FNDC3B: variants seen among roughly 807,000 people sequenced by gnomAD.
FNDC3B encodes fibronectin type III domain-containing protein 3B.
In FNDC3B, 12 loss-of-function variants were observed where a neutral mutation model predicts 151.5. The ratio of observed to expected loss-of-function variants is 0.08; its 90% CI spans 0.05 to 0.13. The LOEUF is 0.13. Among genes scored for constraint, FNDC3B ranks in the 10% least tolerant of loss-of-function variants. FNDC3B has a pLI of 1.00. For synonymous variants in FNDC3B, 528 were observed against 549.0 expected, an observed-to-expected ratio of 0.96 and a Z score of 0.54; for missense variants, 1,214 against 1,505.3, an observed-to-expected ratio of 0.81 and a Z score of 3.20.
At chr3:172,077,049 A>G (rs1266424048) in intron 1 of FNDC3B, among the ~76,000 whole-genome samples, 1 of 152,236 alleles carries the variant, frequency 6.6e-6, no homozygotes, top group African/African-American at 2.4e-5. Context: ...GAGTGATCAA[A>G]TCACATAATA....
chr3:172,171,251 G>A (rs775520246), intron 3 of FNDC3B, among the ~76,000 whole-genome samples: 22 of 152,132 alleles, frequency 1.4e-4, no homozygotes, highest in Admixed American at 9.2e-4. Flanking sequence ...AAGTGCTGAT[G>A]GAGACTTTAA....
chr3:172,361,430 G>A (rs1025946720), intron 22 of FNDC3B, among the ~76,000 whole-genome samples: 6 of 152,146 alleles, frequency 3.9e-5, no homozygotes, highest in Admixed American at 3.3e-4. Flanking sequence ...AATTTATTTT[G>A]CCAGATACCC....
intron 21 of FNDC3B, among the ~76,000 whole-genome samples, chr3:172,350,821 A>G (rs1733817688): frequency 6.6e-6 from 1 of 152,154 alleles, no homozygotes; most frequent in African/African-American, 2.4e-5. Flanking sequence ...GCGCCACTGC[A>G]CTCCAGACAG....
intron 1 of FNDC3B, among the ~76,000 whole-genome samples, chr3:172,051,027 A>G (rs1716624153): frequency 6.6e-6 from 1 of 151,590 alleles, no homozygotes; most frequent in Non-Finnish European, 1.5e-5. Context: ...TTTTCTTTGC[A>G]TATCCTTGTT....
chr3:172,150,197 T>C (rs111492450), intron 3 of FNDC3B, among the ~76,000 whole-genome samples: 8,671 of 152,208 alleles, frequency 0.057, 730 homozygotes, highest in African/African-American at 0.19. Flanking sequence ...ATACTGATGC[T>C]TGGGCCTCAC....
intron 11 of FNDC3B, among the ~76,000 whole-genome samples, chr3:172,312,200 A>G (rs1295237020): frequency 6.6e-6 from 1 of 152,224 alleles, no homozygotes; most frequent in African/African-American, 2.4e-5. Context: ...CACTTTCTGC[A>G]GAAGCATATT....
chr3:172,077,960 T>G (rs888346782), intron 1 of FNDC3B, among the ~76,000 whole-genome samples: 1 of 152,154 alleles, frequency 6.6e-6, no homozygotes, highest in Non-Finnish European at 1.5e-5. Context: ...CATATTTTAT[T>G]GTTGTTTTTA....
intron 1 of FNDC3B, among the ~76,000 whole-genome samples, chr3:172,109,122 CT>C (rs966235048): frequency 4.6e-5 from 7 of 150,640 alleles, no homozygotes; most frequent in African/African-American, 1.5e-4. Flanking sequence ...TCTGGTTTAT[CT>C]CTGGTGAAAC....
In FNDC3B at chr3:172,045,096, A is replaced by T. The variant is rs936613681; in HGVS notation, c.-29+5325A>T. On this transcript the variant is annotated intron_variant, in intron 1 of 25. Transcript: ENST00000415807. ...GAAGTGTTTGGCAAAGCCTTATACA[A>T]ACTCCATAGTTCATTATATTCCAGA... Among the ~76,000 whole-genome samples the T allele has an allele frequency of 2.6e-5, 4 of 152,212 alleles. No homozygotes were observed. In the East Asian group the frequency reaches 7.7e-4, roughly 29 times the overall value.
At chr3:172,096,586 C>T (rs1559963863) in intron 1 of FNDC3B, among the ~76,000 whole-genome samples, 1 of 152,014 alleles carries the variant, frequency 6.6e-6, no homozygotes. Flanking sequence ...AACCAGCTTG[C>T]TTATTTTTTA....
At chr3:172,085,843 A>C (rs1401689062) in intron 1 of FNDC3B, among the ~76,000 whole-genome samples, 6 of 152,200 alleles carry the variant, frequency 3.9e-5, no homozygotes, top group Admixed American at 3.9e-4. Context: ...ATTAATGCAT[A>C]ATGGATTCGG....
chr3:172,041,162 T>G (rs914457797), intron 1 of FNDC3B, among the ~76,000 whole-genome samples: 8 of 152,112 alleles, frequency 5.3e-5, no homozygotes, highest in Non-Finnish European at 2.9e-5. Context: ...CCCTGCTGGT[T>G]TCTAGTCCCC....
chr3:172,221,280 C>A (rs1726265297), intron 3 of FNDC3B, among the ~76,000 whole-genome samples: 1 of 152,080 alleles, frequency 6.6e-6, no homozygotes, highest in Admixed American at 6.5e-5. Context: ...TTTTTCTTGC[C>A]TAATTGTTCT....
chr3:172,209,129 G>C (rs1175843289), intron 3 of FNDC3B, among the ~76,000 whole-genome samples: 2 of 151,998 alleles, frequency 1.3e-5, no homozygotes, highest in Non-Finnish European at 2.9e-5. Context: ...GAGCGGGGGT[G>C]GGGGTGGGGG....
chr3:172,226,879 G>C lies in FNDC3B; in HGVS notation c.196G>C (p.Glu66Gln). ...GTLQCIQGPA[E>Q]VPMMSPNGSI... ...TGACTCGTCTGTTTTAGGACCTGCT[G>C]AAGTTCCCATGATGTCACCCAATGG... Residue 66 changes from glutamate (E) to glutamine (Q), a missense_variant, in exon 4 of 26, where the codon GAA becomes CAA. Physicochemically the swap from Glu to Gln is conservative, Grantham distance 29. Around this residue, in one of 7 missense-constraint regions of FNDC3B, gnomAD observed 113 missense variants for 177.8 expected, o/e 0.64. Coordinates refer to ENST00000415807, the MANE Select transcript of FNDC3B (RefSeq NM_022763.4). 1.9e-6 allele frequency: 3 copies of C among 1,610,270 alleles called. No individual in the cohort carries two copies. Among genetic ancestry groups the C allele is most frequent in the Non-Finnish European group, 2.5e-6 (3 of 1,176,516 alleles).
rs1480112568 is a variant in FNDC3B, at chr3:172,166,182, C to T, written c.187+32636C>T. ...ATCATTTCGAAGCCACTCATTTCAT[C>T]GGAATTGGGAAGGCCACCATCTTAT... On this transcript the variant is annotated intron_variant, in intron 3 of 25. Coordinates refer to ENST00000415807, the MANE Select transcript of FNDC3B (RefSeq NM_022763.4). 4.6e-5 allele frequency among the ~76,000 whole-genome samples: 7 copies of T among 152,302 alleles called. No individual in the cohort carries two copies. The South Asian group carries it at 1.0e-3, about 23-fold the overall frequency.
intron 1 of FNDC3B, among the ~76,000 whole-genome samples, chr3:172,067,696 A>G (rs899354957): frequency 3.3e-5 from 5 of 152,032 alleles, no homozygotes; most frequent in Admixed American, 6.5e-5. Flanking sequence ...ACTTGAAAAA[A>G]AAATTACTTA....
intron 4 of FNDC3B, among the ~76,000 whole-genome samples, chr3:172,242,969 A>G (rs1446517339): frequency 1.3e-5 from 2 of 152,142 alleles, no homozygotes; most frequent in Non-Finnish European, 2.9e-5. Flanking sequence ...CTTCTGCCGG[A>G]TACCCTAAAT....
rs564559839 is a variant in FNDC3B at position 172,382,822 on chromosome 3, T to C, written c.3303+1729T>C. Among the ~76,000 whole-genome samples the C allele has an allele frequency of 3.3e-4, 50 of 152,344 alleles. No individual in the cohort carries two copies. The South Asian group carries it at 3.5e-3, about 11-fold the overall frequency. On this transcript the variant is annotated intron_variant, in intron 25 of 25. Transcript: ENST00000415807. ...TGAGCCCTCTGTTATGTTCCATTGG[T>C]CTATATATCTGTTTTGGTACCAGTA...
Sources: allele counts gnomAD v4.1 joint callset (sites outside exome capture counted in the v4.1 genomes callset), GRCh38; gene constraint gnomAD v4.1.1; regional missense constraint gnomAD v4.1.1; transcripts MANE v1.5; gene names NCBI Gene and HGNC (gene_info 2026-07-23, HGNC 2026-07-21).